The following ATP8A2 variants were observed in gnomAD, a reference collection of about 807,000 sequenced individuals.
ATP8A2 encodes ATPase phospholipid transporting 8A2, also known as phospholipid-transporting ATPase IB.
Under a neutral mutation model 165.6 loss-of-function variants are expected in ATP8A2, and 100 were observed. That is an observed-to-expected ratio of 0.60 (90% CI 0.51 to 0.71). ATP8A2 has a LOEUF of 0.71. Ranked by LOEUF, ATP8A2 falls within the 30% of genes least tolerant of loss-of-function variation. The pLI, the probability that ATP8A2 is intolerant of heterozygous loss-of-function variation, is 0.00. For missense variants in ATP8A2, 1,227 were observed against 1,479.5 expected, an observed-to-expected ratio of 0.83 and a Z score of 2.80; for synonymous variants, 543 against 548.8, an observed-to-expected ratio of 0.99 and a Z score of 0.15.
chr13:25,860,773 T>C (rs759177773), intron 31 of ATP8A2, 31 bp from the exon 32 acceptor site: 1 of 1,537,772 alleles, frequency 6.5e-7, no homozygotes, highest in South Asian at 1.2e-5. Context: ...TTGAGAATAA[T>C]GTGTTTCCAA....
At chr13:25,740,417 T>C (rs1360853480) in intron 25 of ATP8A2, among the ~76,000 whole-genome samples, 2 of 151,400 alleles carry the variant, frequency 1.3e-5, no homozygotes, top group Non-Finnish European at 2.9e-5. Flanking sequence ...GATAAGGAGA[T>C]GGTAAGTCAG....
At chr13:25,403,979 T>C (rs2033719470) in intron 1 of ATP8A2, among the ~76,000 whole-genome samples, 1 of 152,246 alleles carries the variant, frequency 6.6e-6, no homozygotes, top group African/African-American at 2.4e-5. Context: ...CACTCATCCA[T>C]CCATTTGAAT....
chr13:25,871,470 A>G (rs1952676089), intron 33 of ATP8A2, among the ~76,000 whole-genome samples: 1 of 152,166 alleles, frequency 6.6e-6, no homozygotes, highest in Admixed American at 6.5e-5. Flanking sequence ...AAAGGTATAA[A>G]AGTGCCAGAG....
At chr13:25,948,114 C>T (rs1214921439) in intron 33 of ATP8A2, among the ~76,000 whole-genome samples, 1 of 152,176 alleles carries the variant, frequency 6.6e-6, no homozygotes, top group East Asian at 1.9e-4. Flanking sequence ...CAATCAGCAA[C>T]CTATTCCCAG....
chr13:25,700,789 C>A (rs1395684911), intron 25 of ATP8A2, among the ~76,000 whole-genome samples: 1 of 152,166 alleles, frequency 6.6e-6, no homozygotes, highest in Non-Finnish European at 1.5e-5. Context: ...AGATGGTTTT[C>A]CAAAGTGGCT....
intron 24 of ATP8A2, among the ~76,000 whole-genome samples, chr13:25,650,915 T>A (rs1026050079): frequency 7.2e-5 from 11 of 152,186 alleles, no homozygotes; most frequent in African/African-American, 2.4e-4. Flanking sequence ...AAATTTTATA[T>A]CCATATTTGA....
At chr13:25,683,384 A>T (rs1270640768) in intron 24 of ATP8A2, among the ~76,000 whole-genome samples, 1 of 152,152 alleles carries the variant, frequency 6.6e-6, no homozygotes, top group African/African-American at 2.4e-5. Context: ...AAAATGCGTG[A>T]TTTCGTAGTA....
intron 24 of ATP8A2, among the ~76,000 whole-genome samples, chr13:25,606,675 A>T (rs1228171560): frequency 1.3e-5 from 2 of 152,192 alleles, no homozygotes; most frequent in Admixed American, 1.3e-4. Flanking sequence ...AAACAAAATG[A>T]TTGGTATACT....
At chr13:25,880,377 C>CAAAAA (rs10641772) in intron 33 of ATP8A2, among the ~76,000 whole-genome samples, 1 of 91,638 alleles carries the variant, frequency 1.1e-5, no homozygotes, top group African/African-American at 3.6e-5. Flanking sequence ...TCAGGAACAA[C>CAAAAA]AAAAAAAAAA....
chr13:25,969,913 G>A (rs527238814), intron 35 of ATP8A2, among the ~76,000 whole-genome samples: 4 of 152,196 alleles, frequency 2.6e-5, no homozygotes, highest in African/African-American at 7.2e-5. Context: ...GTTCAGGGCT[G>A]TTCTATCCAT....
intron 24 of ATP8A2, among the ~76,000 whole-genome samples, chr13:25,645,187 G>T (rs2041638974): frequency 1.3e-5 from 2 of 152,266 alleles, no homozygotes; most frequent in East Asian, 3.9e-4. Context: ...CGATATGAAA[G>T]GCATTTCTTA....
chr13:25,413,988 G>A (rs927757242), intron 1 of ATP8A2, among the ~76,000 whole-genome samples: 4 of 151,884 alleles, frequency 2.6e-5, no homozygotes, highest in Admixed American at 6.6e-5. Flanking sequence ...AGCGTGAGGC[G>A]TGGTCAGTAT....
chr13:25,732,639 G>A (rs2043676460), intron 25 of ATP8A2, among the ~76,000 whole-genome samples: 3 of 152,190 alleles, frequency 2.0e-5, no homozygotes, highest in South Asian at 4.1e-4. Context: ...AGTCCTGTGT[G>A]ATGTACTTCA....
chr13:25,734,336 T>G (rs1457040103), intron 25 of ATP8A2, among the ~76,000 whole-genome samples: 5 of 152,240 alleles, frequency 3.3e-5, no homozygotes, highest in Non-Finnish European at 5.9e-5. Context: ...CAAAGGCCAT[T>G]TGCAAGGACT....
Position 25,451,906 on chromosome 13 carries a change from G to A in ATP8A2, c.77-17071G>A, listed in dbSNP as rs149534835. On this transcript the variant is annotated intron_variant, in intron 1 of 36. Transcript: ENST00000381655. ...GTCTCACTCTTTTGCCCAGGCTGGA[G>A]TGCAGTGGCGTGATCTCGGCTCACT... Among the ~76,000 whole-genome samples the A allele has an allele frequency of 8.5e-3, 1,292 of 151,422 alleles. 23 individuals are homozygous for A. The highest frequency in any genetic ancestry group is 0.029 in the African/African-American group (1,195 of 41,198).
intron 13 of ATP8A2, among the ~76,000 whole-genome samples, chr13:25,557,823 T>G (rs2039025150): frequency 6.6e-6 from 1 of 152,182 alleles, no homozygotes; most frequent in Non-Finnish European, 1.5e-5. Context: ...AATTTTGAGT[T>G]GGAACTTTAA....
intron 30 of ATP8A2, among the ~76,000 whole-genome samples, chr13:25,855,014 G>A (rs1471955302): frequency 6.6e-6 from 1 of 152,132 alleles, no homozygotes; most frequent in East Asian, 1.9e-4. Flanking sequence ...ACTTTGGGAG[G>A]CTAAGGCAGG....
chr13:25,799,467 A>T (rs1437055772), intron 27 of ATP8A2, among the ~76,000 whole-genome samples: 1 of 152,224 alleles, frequency 6.6e-6, no homozygotes, highest in Admixed American at 6.5e-5. Flanking sequence ...TGGCATGAAT[A>T]TGGAGCTCCT....
At chr13:25,582,694 A>C (rs1177845778) in intron 23 of ATP8A2, among the ~76,000 whole-genome samples, 1 of 152,202 alleles carries the variant, frequency 6.6e-6, no homozygotes, top group Non-Finnish European at 1.5e-5. Flanking sequence ...TGTTTTAGGA[A>C]GAAACCTGCT....
Sources: allele counts gnomAD v4.1 joint callset (sites outside exome capture counted in the v4.1 genomes callset), GRCh38; gene constraint gnomAD v4.1.1; transcripts MANE v1.5; gene names NCBI Gene and HGNC (gene_info 2026-07-23, HGNC 2026-07-21).